CALM2: variants seen among roughly 807,000 people sequenced by gnomAD.
CALM2 encodes the protein calmodulin-2.
In CALM2, 2 loss-of-function variants were observed where a neutral mutation model predicts 19.8. The ratio of observed to expected loss-of-function variants is 0.10; its 90% CI spans 0.04 to 0.32. CALM2 has a LOEUF of 0.32. Ranked by LOEUF, CALM2 falls within the 10% of genes least tolerant of loss-of-function variation. The pLI is 1.00. For synonymous variants in CALM2, 51 were observed against 52.1 expected (o/e 0.98, Z 0.09); for missense variants, 38 against 178.7 (o/e 0.21, Z 4.49).
At position 47,169,296 on chromosome 2, in the gene CALM2, A is replaced by T. The variant is rs183879258; in HGVS notation, c.34+1438T>A. The stretch of plus-strand genomic sequence containing the variant: ...TTTGGGAAGGAGACAGTATATTTAT[A>T]AAAAAAACTACTTCAGAAAAACATT... On this transcript the variant is annotated intron_variant, in intron 2 of 5. Coordinates refer to ENST00000272298, the MANE Select transcript of CALM2 (RefSeq NM_001743.6). Among the ~76,000 whole-genome samples the T allele has an allele frequency of 7.6e-3, 1,125 of 148,058 alleles. 15 individuals are homozygous for T. Among genetic ancestry groups the T allele is most frequent in the African/African-American group, 0.027 (1,045 of 38,760 alleles).
At chr2:47,176,721 C>T (rs982076003), upstream of CALM2, 1 of 1,384,210 alleles carries the variant, frequency 7.2e-7, no homozygotes, top group Non-Finnish European at 9.4e-7. Context: ...GGTTTCATTT[C>T]CAGCGAGCCG....
At position 47,176,198 on chromosome 2, in the gene CALM2, C is replaced by T; in HGVS notation, c.3+243G>A. ...CTCCAGCCAAGCCCCCGAGGAGCTT[C>T]ACCACCTCGGGAACTGTGCGTCCGG... On this transcript the variant is annotated intron_variant, in intron 1 of 5. Transcript: ENST00000272298. The T allele has an allele frequency of 3.8e-6, 2 of 525,736 alleles. 1 individual carries two copies. The highest frequency in any genetic ancestry group is 5.5e-5 in the South Asian group (2 of 36,486). The allele number at this position is 525,736 out of a possible 1,614,324, so 32.6% of individuals were successfully genotyped here.
intron 5 of CALM2, among the ~76,000 whole-genome samples, chr2:47,161,031 G>C (rs1687138391): frequency 6.6e-6 from 1 of 152,006 alleles, no homozygotes; most frequent in Non-Finnish European, 1.5e-5. Context: ...GCTTTAGATA[G>C]GCCAATATAA....
chr2:47,163,635 T>A (rs1666340344), intron 2 of CALM2: 1 of 152,110 alleles, frequency 6.6e-6, no homozygotes, highest in Non-Finnish European at 1.5e-5. Context: ...TTTCTCCACG[T>A]TGGTCAGGCT....
intron 2 of CALM2, among the ~76,000 whole-genome samples, chr2:47,167,011 AATAAC>A (rs1355632009): frequency 6.6e-6 from 1 of 152,198 alleles, no homozygotes; most frequent in African/African-American, 2.4e-5. Flanking sequence ...ATTTTATTAA[AATAAC>A]ATGTTTTAAA....
Position 47,167,809 on chromosome 2 carries a change from C to CTTTTTT in CALM2, c.34+2924_34+2925insAAAAAA, listed in dbSNP as rs1400752450. 3 of 18,242 alleles carry CTTTTTT rather than the reference C, an allele frequency of 1.6e-4. 1 individual carries two copies. The highest frequency in any genetic ancestry group is 6.5e-4 in the Admixed American group (1 of 1,540). The allele number at this position is 18,242 out of a possible 1,614,324, so 1.1% of individuals were successfully genotyped here. A position where few individuals can be genotyped will look rare whatever the true frequency, so the allele number is the denominator to read the frequency against. On this transcript the variant is annotated intron_variant, in intron 2 of 5. Coordinates refer to ENST00000272298, the MANE Select transcript of CALM2 (RefSeq NM_001743.6). ...AAAAAAAAAAAAAAAATTTTTTTTT[C>CTTTTTT]TTTTCTTTGAGACAGGGTCTTGCTG...
chr2:47,170,455 C>A (rs569327532), intron 2 of CALM2, among the ~76,000 whole-genome samples: 2 of 152,258 alleles, frequency 1.3e-5, no homozygotes, highest in South Asian at 2.1e-4. Context: ...CTTCAGAAAA[C>A]AAAACAAAGA....
At chr2:47,164,510 C>G (rs774663394) in intron 2 of CALM2, among the ~76,000 whole-genome samples, 11 of 151,526 alleles carry the variant, frequency 7.3e-5, no homozygotes, top group Non-Finnish European at 1.3e-4. Context: ...AGCAGCAGAA[C>G]TGCTTGAACC....
intron 2 of CALM2, among the ~76,000 whole-genome samples, chr2:47,164,813 G>T (rs544503611): frequency 1.3e-5 from 2 of 152,196 alleles, no homozygotes; most frequent in South Asian, 4.1e-4. Flanking sequence ...TGACACATGT[G>T]TAAGAAATGG....
At chr2:47,176,024 G>A (rs934080689) in intron 1 of CALM2, among the ~76,000 whole-genome samples, 1 of 152,244 alleles carries the variant, frequency 6.6e-6, no homozygotes, top group East Asian at 1.9e-4. Flanking sequence ...CCTGGCGCCC[G>A]CACTAACCGT....
intron 2 of CALM2, among the ~76,000 whole-genome samples, chr2:47,164,347 AACACACAC>A (rs61085424): frequency 7.6e-4 from 106 of 139,888 alleles, no homozygotes; most frequent in African/African-American, 1.9e-3. Context: ...TCTCTACTAA[AACACACAC>A]ACACACACAC....
intron 5 of CALM2, 144 bp from the exon 6 acceptor site, chr2:47,160,948 A>G: frequency 3.7e-6 from 2 of 541,736 alleles, no homozygotes; most frequent in Non-Finnish European, 6.6e-6. Flanking sequence ...TACAGAGGGA[A>G]GCTAGTTTAT....
intron 1 of CALM2, 119 bp downstream of exon 1, chr2:47,176,322 C>T (rs1046036305): frequency 2.4e-6 from 3 of 1,265,508 alleles, no homozygotes; most frequent in African/African-American, 1.5e-5. Flanking sequence ...TTCGCGCCAT[C>T]CCTCTGGCAG....
chr2:47,161,992 T>C, intron 4 of CALM2, 134 bp from the exon 5 acceptor site: 1 of 740,928 alleles, frequency 1.3e-6, no homozygotes, highest in South Asian at 1.9e-5. Flanking sequence ...ATCTACACAG[T>C]TGACCTACAA....
intron 2 of CALM2, among the ~76,000 whole-genome samples, chr2:47,164,783 C>T (rs1666407282): frequency 1.3e-5 from 2 of 152,214 alleles, no homozygotes; most frequent in South Asian, 2.1e-4. Context: ...CCAACATAGC[C>T]ATACATTTGA....
In CALM2 at chr2:47,176,486, C is replaced by A. The variant is rs1347870862; in HGVS notation, c.-43G>T. ...TTTCCGAGACGCGACCACACAACCACTCAGCTCGCTCTCTCCACTCGGACT... is the reference window on the plus strand; with the variant it reads ...TTTCCGAGACGCGACCACACAACCAATCAGCTCGCTCTCTCCACTCGGACT... On this transcript the variant is annotated 5_prime_UTR_variant, in exon 1 of 6. Coordinates refer to ENST00000272298, the MANE Select transcript of CALM2 (RefSeq NM_001743.6). 1.2e-6 allele frequency: 2 copies of A among 1,613,122 alleles called. No homozygotes were observed. Among genetic ancestry groups the A allele is most frequent in the African/African-American group, 2.7e-5 (2 of 74,992 alleles).
chr2:47,175,578 AT>A (rs1013514533), intron 1 of CALM2, among the ~76,000 whole-genome samples: 3 of 152,116 alleles, frequency 2.0e-5, no homozygotes, highest in East Asian at 1.9e-4. Context: ...TTAAAAAGCA[AT>A]TTTTTTTAAA....
intron 4 of CALM2, 82 bp downstream of exon 4, chr2:47,162,200 ACAAC>A: frequency 2.5e-5 from 7 of 278,660 alleles, no homozygotes; most frequent in Admixed American, 7.7e-5. Context: ...AAAAAAAAAA[ACAAC>A]CAAAAAAACA....
chr2:47,173,608 A>G (rs1190026374), intron 1 of CALM2: 3 of 152,356 alleles, frequency 2.0e-5, no homozygotes, highest in East Asian at 3.9e-4. Flanking sequence ...ATGCCATTCA[A>G]AAGTATGCAT....
Sources: allele counts gnomAD v4.1 joint callset (sites outside exome capture counted in the v4.1 genomes callset), GRCh38; gene constraint gnomAD v4.1.1; transcripts MANE v1.5; gene names NCBI Gene and HGNC (gene_info 2026-07-23, HGNC 2026-07-21).